The following MAP2K7 variants were observed in gnomAD, a reference collection of about 807,000 sequenced individuals.
MAP2K7 encodes the protein mitogen-activated protein kinase kinase 7.
In MAP2K7, 12 loss-of-function variants were observed where a neutral mutation model predicts 47.7. The ratio of observed to expected loss-of-function variants is 0.25; its 90% CI spans 0.16 to 0.41. MAP2K7 has a LOEUF of 0.41. Among genes scored for constraint, MAP2K7 ranks in the 10% least tolerant of loss-of-function variants. The pLI, the probability that MAP2K7 is intolerant of heterozygous loss-of-function variation, is 1.00. For synonymous variants in MAP2K7, 299 were observed against 243.0 expected, an observed-to-expected ratio of 1.23 and a Z score of -2.14; for missense variants, 415 against 600.3, an observed-to-expected ratio of 0.69 and a Z score of 3.23.
intron 1 of MAP2K7, chr19:7,906,346 AG>A: frequency 6.4e-6 from 1 of 156,658 alleles, no homozygotes; most frequent in Non-Finnish European, 1.4e-5. Flanking sequence ...GGGCTGCAAT[AG>A]GGGGGCCCAC....
Position 7,911,347 on chromosome 19 carries a change from C to T in MAP2K7, c.936+17C>T, listed in dbSNP as rs762135114. Reference sequence around the variant, plus strand: ...ATCTCGTTGGTGAGTTGGGGCCCTCCCCTGTTCTCCAGCCAGGAGTGAGGG... The same window carrying T: ...ATCTCGTTGGTGAGTTGGGGCCCTCTCCTGTTCTCCAGCCAGGAGTGAGGG... On this transcript the variant is annotated intron_variant, in intron 8 of 10. Coordinates refer to ENST00000397979, the MANE Select transcript of MAP2K7 (RefSeq NM_145185.4). 2.5e-6 allele frequency: 4 copies of T among 1,613,448 alleles called. No individual in the cohort carries two copies. Among genetic ancestry groups the T allele is most frequent in the East Asian group, 4.5e-5 (2 of 44,882 alleles).
chr19:7,912,315 C>T lies in MAP2K7; in HGVS notation c.1144C>T (p.Arg382Cys), dbSNP rs774212941. The T allele has an allele frequency of 1.1e-5, 17 of 1,613,580 alleles. No individual in the cohort carries two copies. Among genetic ancestry groups the T allele is most frequent in the Admixed American group, 8.3e-5 (5 of 59,990 alleles). Residue 382 changes from arginine to cysteine, a missense_variant, in exon 11 of 11, where the codon CGC (arginine) becomes TGC (cysteine). By Grantham distance (180) the Arg-to-Cys change is radical. Coordinates refer to ENST00000397979, the MANE Select transcript of MAP2K7 (RefSeq NM_145185.4). ...CCCACAGGAACACAGCTTCATCAAG[C>T]GCTACGAGACGCTGGAGGTGGACGT... is the stretch of plus-strand genomic sequence containing the variant. ...NKLLEHSFIKRYETLEVDVAS... is the reference protein window; with the variant it reads ...NKLLEHSFIKCYETLEVDVAS...
intron 1 of MAP2K7, among the ~76,000 whole-genome samples, chr19:7,907,779 A>G (rs1359332733): frequency 2.0e-5 from 3 of 151,374 alleles, no homozygotes; most frequent in South Asian, 2.1e-4. Flanking sequence ...CGCTGAGTGC[A>G]GGGTGTGAGC....
intron 1 of MAP2K7, chr19:7,905,754 GTTTCTGT>G: frequency 7.0e-7 from 1 of 1,438,284 alleles, no homozygotes; most frequent in Non-Finnish European, 9.8e-7. Flanking sequence ...CGAATCAGTC[GTTTCTGT>G]TGTGATTTAT....
At chr19:7,904,808 C>G (rs1260258648) in intron 1 of MAP2K7, among the ~76,000 whole-genome samples, 1 of 152,104 alleles carries the variant, frequency 6.6e-6, no homozygotes. Context: ...CGACCCCCAG[C>G]CAGCCCGGTG....
chr19:7,905,595 C>G (rs888163662), intron 1 of MAP2K7, among the ~76,000 whole-genome samples: 1 of 152,160 alleles, frequency 6.6e-6, no homozygotes, highest in African/African-American at 2.4e-5. Context: ...GGCAGGCAGG[C>G]CCCCGAGGAG....
intron 4 of MAP2K7, 21 bp downstream of exon 4, chr19:7,910,394 C>G (rs199768951): frequency 6.2e-7 from 1 of 1,606,554 alleles, no homozygotes; most frequent in East Asian, 2.2e-5. Flanking sequence ...GCGGCTACCC[C>G]GGCTGCGCCC....
In MAP2K7 at chr19:7,912,643, C is replaced by A. The variant is rs902318243; in HGVS notation, c.*212C>A. 2 of 596,296 alleles carry A rather than the reference C, an allele frequency of 3.4e-6. No individual in the cohort carries two copies. Among genetic ancestry groups the A allele is most frequent in the Non-Finnish European group, 5.9e-6 (2 of 341,044 alleles). The allele number at this position is 596,296 out of a possible 1,614,324, so 36.9% of individuals were successfully genotyped here. A position where few individuals can be genotyped will look rare whatever the true frequency, so the allele number is the denominator to read the frequency against. ...CACCCCGGGGTCAGCCGGCCGTGTG[C>A]GTCCCCCGACAGACACTGTGAACGG... On this transcript the variant is annotated 3_prime_UTR_variant, in exon 11 of 11. Transcript: ENST00000397979.
Position 7,911,102 on chromosome 19 carries a change from C to T in MAP2K7, c.798C>T (p.Gly266=), listed in dbSNP as rs777613947. 11 of 1,612,452 alleles carry T rather than the reference C, an allele frequency of 6.8e-6. No individual in the cohort carries two copies. Among genetic ancestry groups the T allele is most frequent in the Middle Eastern group, 1.7e-4 (1 of 6,060 alleles). ...AGCTCTGCGACTTCGGCATCAGCGG[C>T]CGCCTGGTGGACTCCAAAGCCAAGA... ...QIKLCDFGIS[G]RLVDSKAKTR... is the part of the protein sequence containing the mutation. The change falls in exon 7 of 11, where the codon GGC becomes GGT. Residue 266 remains glycine (G), a synonymous_variant. Transcript: ENST00000397979.
chr19:7,911,567 C>T lies in MAP2K7; in HGVS notation c.1068C>T (p.Phe356=), dbSNP rs574457233. The T allele has an allele frequency of 7.5e-6, 12 of 1,591,988 alleles. No homozygotes were observed. The highest frequency in any genetic ancestry group is 2.3e-5 in the East Asian group (1 of 44,122). The stretch of plus-strand genomic sequence containing the variant: ...GCTTCTCGGGGGACTTCCAGTCCTT[C>T]GTCAAAGACTGGTGAGAACCTCCCT... ...HMGFSGDFQS[F]VKDCLTKDHR... is the part of the protein sequence containing the mutation. The change falls in exon 9 of 11, where the codon TTC becomes TTT. Residue 356 remains phenylalanine (F), a synonymous_variant. Transcript: ENST00000397979.
Position 7,907,282 on chromosome 19 carries a change from ATGGGG to A in MAP2K7, c.125-2470_125-2466del, listed in dbSNP as rs1241547476. Among the ~76,000 whole-genome samples, 3 of 152,174 alleles carry A rather than the reference ATGGGG, an allele frequency of 2.0e-5. No individual in the cohort carries two copies. In the East Asian group the frequency reaches 5.8e-4, roughly 29 times the overall value. Reference sequence around the variant, plus strand: ...ACGCCTGTGTTGGGAGAGAGAGTAGATGGGGTGCCTGGCCCTGTGAGTGGTTGTGA... The same window carrying A: ...ACGCCTGTGTTGGGAGAGAGAGTAGATGCCTGGCCCTGTGAGTGGTTGTGA... On this transcript the variant is annotated intron_variant, in intron 1 of 10. Coordinates refer to ENST00000397979, the MANE Select transcript of MAP2K7 (RefSeq NM_145185.4).
rs370462728 is a variant in MAP2K7, at chr19:7,910,817, C to T, written c.675+14C>T. 282 of 1,582,360 alleles carry T rather than the reference C, an allele frequency of 1.8e-4. No homozygotes were observed. Among genetic ancestry groups the T allele is most frequent in the Admixed American group, 4.6e-4 (27 of 58,254 alleles). On this transcript the variant is annotated intron_variant, in intron 6 of 10. Transcript: ENST00000397979. ...ATGACAGTGGCGGTGAGTGACCAGGCGGGGCTTGCACTGGGCAGGATGACA... is the reference window on the plus strand; with the variant it reads ...ATGACAGTGGCGGTGAGTGACCAGGTGGGGCTTGCACTGGGCAGGATGACA...
In MAP2K7 at chr19:7,911,254, A is replaced by G; in HGVS notation, c.860A>G (p.Glu287Gly). The stretch of plus-strand genomic sequence containing the variant: ...CTTCTCCTCCCCCCCCTGCAGCCCG[A>G]GCGCATTGACCCCCCAGACCCCACC... ...SAGCAAYMAP[E>G]RIDPPDPTKP... The change falls in exon 8 of 11, where the codon GAG becomes GGG. Residue 287 changes from glutamate (E) to glycine (G), a missense_variant. Physicochemically the swap from Glu to Gly is moderately conservative, Grantham distance 98. Around this residue, in one of 3 missense-constraint regions of MAP2K7, gnomAD observed 206 missense variants for 368.8 expected, o/e 0.56. Transcript: ENST00000397979. 1 of 1,574,866 alleles carries G rather than the reference A, an allele frequency of 6.3e-7. No individual in the cohort carries two copies. Among genetic ancestry groups the G allele is most frequent in the Non-Finnish European group, 8.7e-7 (1 of 1,145,946 alleles).
intron 1 of MAP2K7, among the ~76,000 whole-genome samples, chr19:7,908,418 G>A (rs527495877): frequency 6.6e-5 from 10 of 152,268 alleles, no homozygotes; most frequent in Admixed American, 3.9e-4. Flanking sequence ...GGACTGAGGC[G>A]TCTTCCTGCC....
Position 7,903,921 on chromosome 19 carries a change from G to A in MAP2K7, c.-24G>A. On this transcript the variant is annotated 5_prime_UTR_variant, in exon 1 of 11. Coordinates refer to ENST00000397979, the MANE Select transcript of MAP2K7 (RefSeq NM_145185.4). ...GGACTGACGGGCGGCCGGGCGGTGC[G>A]CGGCGGCGGTGGCGGCGGGGAAGAT... 6.7e-7 allele frequency: 1 copy of A among 1,496,264 alleles called. No homozygotes were observed. The highest frequency in any genetic ancestry group is 8.9e-7 in the Non-Finnish European group (1 of 1,119,972). 92.7% of individuals were successfully genotyped at this position (1,496,264 alleles called of 1,614,324 possible). A position where few individuals can be genotyped will look rare whatever the true frequency, so the allele number is the denominator to read the frequency against.
rs752967933 is a variant in MAP2K7, at chr19:7,909,925, G to A, written c.266+29G>A. 17 of 1,503,226 alleles carry A rather than the reference G, an allele frequency of 1.1e-5. No homozygotes were observed. The African/African-American group carries it at 2.1e-4, about 19-fold the overall frequency. 93.1% of individuals were successfully genotyped at this position (1,503,226 alleles called of 1,614,324 possible). On this transcript the variant is annotated intron_variant, in intron 2 of 10. Coordinates refer to ENST00000397979, the MANE Select transcript of MAP2K7 (RefSeq NM_145185.4). ...AGCCAGGGGCCCAGCAGGGTTGGGT[G>A]GGAAGCAGCATTGAGGGGCCACCGT...
chr19:7,903,922 C>CGGCGGCGGT lies in MAP2K7; in HGVS notation c.-14_-6dup, dbSNP rs1190934424. ...GACTGACGGGCGGCCGGGCGGTGCG[C>CGGCGGCGGT]GGCGGCGGTGGCGGCGGGGAAGATG... On this transcript the variant is annotated 5_prime_UTR_variant, in exon 1 of 11. Coordinates refer to ENST00000397979, the MANE Select transcript of MAP2K7 (RefSeq NM_145185.4). 4 of 1,497,090 alleles carry CGGCGGCGGT rather than the reference C, an allele frequency of 2.7e-6. No individual in the cohort carries two copies. The highest frequency in any genetic ancestry group is 2.7e-5 in the East Asian group (1 of 36,446). 92.7% of individuals were successfully genotyped at this position (1,497,090 alleles called of 1,614,324 possible).
At position 7,911,327 on chromosome 19, in the gene MAP2K7, G is replaced by A. The variant is rs374835674; in HGVS notation, c.933G>A (p.Ser311=). 174 of 1,613,438 alleles carry A rather than the reference G, an allele frequency of 1.1e-4. No individual in the cohort carries two copies. Among genetic ancestry groups the A allele is most frequent in the South Asian group, 5.7e-4 (52 of 91,076 alleles). ...IRADVWSLGI[S]LVELATGQFP... ...CCGACGTATGGAGCCTGGGCATCTC[G>A]TTGGTGAGTTGGGGCCCTCCCCTGT... The change falls in exon 8 of 11, where the codon TCG becomes TCA. Residue 311 remains serine (S), a synonymous_variant. Transcript: ENST00000397979.
chr19:7,911,422 C>T lies in MAP2K7; in HGVS notation c.937-14C>T, dbSNP rs755444886. The T allele has an allele frequency of 1.5e-5, 25 of 1,613,102 alleles. No homozygotes were observed. The highest frequency in any genetic ancestry group is 4.5e-5 in the East Asian group (2 of 44,872). On this transcript the variant is annotated splice_polypyrimidine_tract_variant and intron_variant, in intron 8 of 10. Coordinates refer to ENST00000397979, the MANE Select transcript of MAP2K7 (RefSeq NM_145185.4). ...GAACATAAACCTGTCCAGCCCTGCC[C>T]GTCTCCCTCCCAGGTGGAGCTGGCA...
Sources: gnomAD v4.1 joint callset for allele counts (sites outside exome capture counted in the v4.1 genomes callset) on GRCh38, gnomAD v4.1.1 for gene constraint, gnomAD v4.1.1 regional missense constraint, MANE v1.5 for transcripts, NCBI Gene and HGNC (gene_info 2026-07-23, HGNC 2026-07-21) for gene names.